BEND2: variants seen among roughly 807,000 people sequenced by gnomAD.
BEND2 encodes BEN domain containing 2, also known as BEN domain-containing protein 2.
BEND2 carries 19 observed loss-of-function variants against 43.8 expected under a neutral mutation model. The observed-to-expected ratio is 0.43, with a 90% CI of 0.30 to 0.64. The LOEUF is 0.64. Among genes scored for constraint, BEND2 ranks in the 30% least tolerant of loss-of-function variants. The probability of loss-of-function intolerance (pLI) is 0.11; values close to 1 mark genes in which losing one functional copy is unlikely to be tolerated. For synonymous variants in BEND2, 226 were observed against 210.1 expected (o/e 1.08, Z -0.66); for missense variants, 544 against 574.0 (o/e 0.95, Z 0.53).
intron 13 of BEND2, among the ~76,000 whole-genome samples, chrX:18,167,050 G>A (rs1602022102): frequency 9.0e-6 from 1 of 110,897 alleles, no homozygotes; most frequent in East Asian, 2.8e-4. Flanking sequence ...GGAGGCTGAA[G>A]CGGGTGAATC....
At chrX:18,209,444 C>T (rs114451882) in intron 4 of BEND2, among the ~76,000 whole-genome samples, 3,426 of 111,115 alleles carry the variant, frequency 0.031, 150 homozygotes, top group African/African-American at 0.11. Context: ...AAAATAGTAA[C>T]TTTACTGTGG....
intron 6 of BEND2, among the ~76,000 whole-genome samples, chrX:18,196,014 T>C (rs1184860227): frequency 1.8e-5 from 2 of 110,724 alleles, no homozygotes; most frequent in Non-Finnish European, 3.8e-5. Context: ...AAGACCACAA[T>C]ATAGGCCGGG....
At chrX:18,192,984 C>G (rs888119208) in intron 7 of BEND2, among the ~76,000 whole-genome samples, 3 of 110,016 alleles carry the variant, frequency 2.7e-5, no homozygotes, top group Non-Finnish European at 3.8e-5. Flanking sequence ...TACAAAAACT[C>G]CAAAATTAAA....
At chrX:18,205,281 T>C (rs752644303) in intron 4 of BEND2, among the ~76,000 whole-genome samples, 1 of 110,538 alleles carries the variant, frequency 9.0e-6, no homozygotes, top group South Asian at 3.9e-4. Context: ...AGAAAGCTCC[T>C]AGCCAGGCAC....
chrX:18,213,442 A>G (rs1036622674), intron 3 of BEND2, among the ~76,000 whole-genome samples: 17 of 111,650 alleles, frequency 1.5e-4, no homozygotes, highest in African/African-American at 5.5e-4. Context: ...CAGTAATGAG[A>G]GGCACAATTA....
chrX:18,192,122 T>C (rs1027628534), intron 7 of BEND2, among the ~76,000 whole-genome samples: 6 of 112,215 alleles, frequency 5.3e-5, no homozygotes, highest in African/African-American at 1.6e-4. Flanking sequence ...GGAAACATTC[T>C]GGTGACTGTT....
chrX:18,183,673 C>G (rs1924472832), intron 8 of BEND2, among the ~76,000 whole-genome samples: 1 of 111,881 alleles, frequency 8.9e-6, no homozygotes, highest in Non-Finnish European at 1.9e-5. Flanking sequence ...AAGAGTGAGT[C>G]CCAGGCCTGG....
intron 8 of BEND2, among the ~76,000 whole-genome samples, chrX:18,185,263 T>C (rs767646930): frequency 9.1e-6 from 1 of 109,580 alleles, no homozygotes; most frequent in East Asian, 2.9e-4. Context: ...GTGCAGTGGC[T>C]CATGCCTGCA....
At chrX:18,201,415 A>C (rs1306652747) in intron 6 of BEND2, among the ~76,000 whole-genome samples, 10 of 95,754 alleles carry the variant, frequency 1.0e-4, no homozygotes, top group Non-Finnish European at 2.0e-4. Context: ...AAAAAAAAAA[A>C]AACAAAAAAA....
chrX:18,170,930 T>A (rs1409771651), intron 13 of BEND2, 71 bp downstream of exon 13: 1 of 1,202,651 alleles, frequency 8.3e-7, no homozygotes, highest in South Asian at 1.8e-5. Flanking sequence ...CCTGAATGGA[T>A]TCTTCTTTCT....
Position 18,177,606 on chromosome X carries a change from G to A in BEND2, c.1593C>T (p.Ser531=), listed in dbSNP as rs763502919. The A allele has an allele frequency of 8.3e-7, 1 of 1,211,014 alleles. No homozygotes were observed. Among genetic ancestry groups the A allele is most frequent in the Non-Finnish European group, 1.1e-6 (1 of 895,081 alleles). The stretch of plus-strand genomic sequence containing the variant: ...CCATTTTGTTCGGGTCGAGGGATTG[G>A]CTGTCTTTCAAATGGATATCCACTG... ...SSSVDIHLKD[S]QSLDPNKMAA... is the part of the protein sequence containing the mutation. Residue 531 remains serine (S), a synonymous_variant, in exon 10 of 14, where the codon AGC becomes AGT. Transcript: ENST00000380033.
rs199905712 is a variant in BEND2 at position 18,166,143 on chromosome X, C to T, written c.2186-920G>A. Reference sequence around the variant, plus strand: ...GGATTCAGTATCCCACTCTATCCTGCTAACATTTTATTAACCAAAAATGAG... The same window carrying T: ...GGATTCAGTATCCCACTCTATCCTGTTAACATTTTATTAACCAAAAATGAG... On this transcript the variant is annotated intron_variant, in intron 13 of 13. Transcript: ENST00000380033. Among the ~76,000 whole-genome samples the T allele has an allele frequency of 5.4e-5, 6 of 112,057 alleles. No homozygotes were observed. In the East Asian group the frequency reaches 1.4e-3, roughly 26 times the overall value.
At chrX:18,178,728 C>A (rs1299935233) in intron 9 of BEND2, among the ~76,000 whole-genome samples, 1 of 111,266 alleles carries the variant, frequency 9.0e-6, no homozygotes, top group African/African-American at 3.3e-5. Context: ...TTGATCCTCA[C>A]AATTCTATGA....
At chrX:18,219,197 C>T (rs982088449) in intron 1 of BEND2, among the ~76,000 whole-genome samples, 3 of 112,345 alleles carry the variant, frequency 2.7e-5, no homozygotes, top group African/African-American at 9.7e-5. Context: ...GGCACCCAGC[C>T]CACGCCTCGC....
chrX:18,203,588 C>T lies in BEND2; in HGVS notation c.820G>A (p.Gly274Ser), dbSNP rs748742412. 3.3e-6 allele frequency: 4 copies of T among 1,210,771 alleles called. No homozygotes were observed. Among genetic ancestry groups the T allele is most frequent in the Non-Finnish European group, 4.5e-6 (4 of 894,682 alleles). Residue 274 changes from glycine (G) to serine (S), a missense_variant, in exon 5 of 14, where the codon GGT becomes AGT. Physicochemically the swap from Gly to Ser is moderately conservative, Grantham distance 56. Transcript: ENST00000380033. ...RRESSLANNP[G>S]VVNYSALPEN... ...GGTAGAGCAGAGTAATTCACCACAC[C>T]AGGGTTATTTGCCAGACTGGATTCT...
chrX:18,212,314 G>T (rs1404738381), intron 4 of BEND2, among the ~76,000 whole-genome samples: 1 of 109,897 alleles, frequency 9.1e-6, no homozygotes, highest in East Asian at 2.9e-4. Context: ...GGCCAGGCTG[G>T]TCTCAAACTC....
intron 11 of BEND2, 152 bp downstream of exon 11, chrX:18,175,820 G>C: frequency 2.5e-6 from 1 of 395,857 alleles, no homozygotes; most frequent in Non-Finnish European, 4.1e-6. Context: ...TAAACATGCA[G>C]TGTGCTTTTG....
chrX:18,220,627 C>T, intron 1 of BEND2, 99 bp downstream of exon 1: 1 of 1,118,598 alleles, frequency 8.9e-7, no homozygotes, highest in Non-Finnish European at 1.2e-6. Context: ...ACTAGCCAAT[C>T]CTGCCGCCCC....
intron 7 of BEND2, among the ~76,000 whole-genome samples, chrX:18,193,416 T>C (rs987107706): frequency 6.3e-5 from 7 of 111,641 alleles, no homozygotes; most frequent in African/African-American, 2.3e-4. Context: ...TTGGTCATGG[T>C]GGTGGGAATC....
Sources: allele counts gnomAD v4.1 joint callset (sites outside exome capture counted in the v4.1 genomes callset), GRCh38; gene constraint gnomAD v4.1.1; transcripts MANE v1.5; gene names NCBI Gene and HGNC (gene_info 2026-07-23, HGNC 2026-07-21).